Variants in RALGAPB observed in about 807,000 individuals in gnomAD.
RALGAPB encodes ral GTPase-activating protein subunit beta.
A neutral mutation model predicts 161.1 loss-of-function variants in RALGAPB; 25 were observed. The observed-to-expected ratio is 0.16, with a 90% confidence interval of 0.11 to 0.22. RALGAPB has a LOEUF of 0.22. RALGAPB is among the 10% of genes least tolerant of loss of function. The probability of loss-of-function intolerance (pLI) is 1.00; values close to 1 mark genes in which losing one functional copy is unlikely to be tolerated. For synonymous variants in RALGAPB, 629 were observed against 626.1 expected, an observed-to-expected ratio of 1.00 and a Z score of -0.07; for missense variants, 1,391 against 1,815.2, an observed-to-expected ratio of 0.77 and a Z score of 4.25.
intron 10 of RALGAPB, among the ~76,000 whole-genome samples, 180 bp from the exon 11 acceptor site, chr20:38,524,598 C>T (rs900110222): frequency 6.6e-6 from 1 of 151,980 alleles, no homozygotes; most frequent in African/African-American, 2.4e-5. Flanking sequence ...CCAGTAATTC[C>T]AGTAATAACT....
At chr20:38,523,804 G>C (rs1396783585) in intron 10 of RALGAPB, among the ~76,000 whole-genome samples, 2 of 152,202 alleles carry the variant, frequency 1.3e-5, no homozygotes, top group Admixed American at 6.5e-5. Flanking sequence ...GGCAGGTAGA[G>C]TAAGAGGACC....
intron 4 of RALGAPB, 64 bp downstream of exon 4, chr20:38,497,580 A>G: frequency 6.7e-7 from 1 of 1,500,100 alleles, no homozygotes; most frequent in East Asian, 2.3e-5. Context: ...CTTTAAACTC[A>G]GTGAGCGGTA....
intron 6 of RALGAPB, among the ~76,000 whole-genome samples, chr20:38,511,639 G>A (rs921979022): frequency 1.3e-5 from 2 of 152,186 alleles, no homozygotes; most frequent in Admixed American, 6.5e-5. Context: ...TAGAGAGCAC[G>A]GGGTTGGGGG....
At chr20:38,559,756 A>G (rs1343431342) in intron 23 of RALGAPB, among the ~76,000 whole-genome samples, 1 of 152,212 alleles carries the variant, frequency 6.6e-6, no homozygotes, top group Non-Finnish European at 1.5e-5. Context: ...CAAAGAGACT[A>G]AGAGAAGGAC....
chr20:38,532,588 C>T (rs879913130), intron 14 of RALGAPB, 142 bp from the exon 15 acceptor site: 14 of 994,204 alleles, frequency 1.4e-5, no homozygotes, highest in Middle Eastern at 2.7e-4. Flanking sequence ...TGGTTTTAAT[C>T]CCTTGTCAAT....
intron 16 of RALGAPB, 106 bp downstream of exon 16, chr20:38,535,313 A>G: frequency 7.6e-7 from 1 of 1,323,856 alleles, no homozygotes; most frequent in East Asian, 2.3e-5. Context: ...GATCATGCTC[A>G]AACATAGTTT....
Position 38,577,202 on chromosome 20 carries a change from C to G in RALGAPB, c.*2235C>G, listed in dbSNP as rs1301247594. On this transcript the variant is annotated 3_prime_UTR_variant, in exon 30 of 30. Coordinates refer to ENST00000262879, the MANE Select transcript of RALGAPB (RefSeq NM_020336.4). ...TCCTTCTGCTCACAATAACATCTGC[C>G]CAAAGAGGGAGTGGGAAGAACGCTT... The G allele has an allele frequency of 1.1e-4, 17 of 152,130 alleles. No individual in the cohort carries two copies. Among genetic ancestry groups the G allele is most frequent in the Non-Finnish European group, 1.5e-5 (1 of 68,032 alleles). 9.4% of individuals were successfully genotyped at this position (152,130 alleles called of 1,614,324 possible).
rs2088519032 is a variant in RALGAPB at position 38,578,572 on chromosome 20, T to A, written c.*3605T>A. ...AAAATAAGCAGTATCATTATTTGCT[T>A]GAAATCATATATACAGTTTGTATGA... is the stretch of plus-strand genomic sequence containing the variant. On this transcript the variant is annotated 3_prime_UTR_variant, in exon 30 of 30. Coordinates refer to ENST00000262879, the MANE Select transcript of RALGAPB (RefSeq NM_020336.4). 6.6e-6 allele frequency: 1 copy of A among 152,670 alleles called. No homozygotes were observed. The highest frequency in any genetic ancestry group is 2.4e-5 in the African/African-American group (1 of 41,458). The allele number at this position is 152,670 out of a possible 1,614,324, so 9.5% of individuals were successfully genotyped here. A position where few individuals can be genotyped will look rare whatever the true frequency, so the allele number is the denominator to read the frequency against.
chr20:38,559,911 G>T lies in RALGAPB; in HGVS notation c.3531+1458G>T, dbSNP rs116352059. Among the ~76,000 whole-genome samples, 1,072 of 152,272 alleles carry T rather than the reference G, an allele frequency of 7.0e-3. 18 individuals carry two copies. The highest frequency in any genetic ancestry group is 0.023 in the African/African-American group (970 of 41,552). ...CTAGGAAAGAGCCGAAGGAAGACTT[G>T]TAAAATGTCGTATTCAGATGTGTAG... On this transcript the variant is annotated intron_variant, in intron 23 of 29. Coordinates refer to ENST00000262879, the MANE Select transcript of RALGAPB (RefSeq NM_020336.4).
At chr20:38,558,699 A>C (rs972293429) in intron 23 of RALGAPB, among the ~76,000 whole-genome samples, 1 of 152,184 alleles carries the variant, frequency 6.6e-6, no homozygotes, top group African/African-American at 2.4e-5. Context: ...ATTGGTTTAC[A>C]GAAATAACAT....
rs142866950 is a variant in RALGAPB at position 38,501,488 on chromosome 20, C to T, written c.740+1855C>T. Among the ~76,000 whole-genome samples, 923 of 152,270 alleles carry T rather than the reference C, an allele frequency of 6.1e-3. 12 individuals are homozygous for T. Among genetic ancestry groups the T allele is most frequent in the African/African-American group, 0.021 (888 of 41,568 alleles). ...TGTGGTGGCTTGCGCCTGTAGAACACACCTCCCAGGTTCAAGTGATTCTTG... is the reference window on the plus strand; with the variant it reads ...TGTGGTGGCTTGCGCCTGTAGAACATACCTCCCAGGTTCAAGTGATTCTTG... On this transcript the variant is annotated intron_variant, in intron 5 of 29. Transcript: ENST00000262879.
rs2088416295 is a variant in RALGAPB, at chr20:38,575,856, A to G, written c.*889A>G. On this transcript the variant is annotated 3_prime_UTR_variant, in exon 30 of 30. Transcript: ENST00000262879. ...GGTTGAAAATTATTTGGTTTCATCC[A>G]TTGTCTCTTATTTCAGGACCAAGCA... 1 of 152,620 alleles carries G rather than the reference A, an allele frequency of 6.6e-6. No individual in the cohort carries two copies. The highest frequency in any genetic ancestry group is 1.5e-5 in the Non-Finnish European group (1 of 68,048). 9.5% of individuals were successfully genotyped at this position (152,620 alleles called of 1,614,324 possible). A position where few individuals can be genotyped will look rare whatever the true frequency, so the allele number is the denominator to read the frequency against.
At chr20:38,498,761 T>G (rs2085499669) in intron 4 of RALGAPB, among the ~76,000 whole-genome samples, 2 of 152,238 alleles carry the variant, frequency 1.3e-5, no homozygotes, top group South Asian at 4.1e-4. Context: ...GTTCCAGGGC[T>G]TAGAACAGGG....
chr20:38,513,454 G>T (rs761723709), intron 6 of RALGAPB, among the ~76,000 whole-genome samples: 3 of 149,868 alleles, frequency 2.0e-5, no homozygotes, highest in Non-Finnish European at 4.5e-5. Flanking sequence ...ACTCCAGCCC[G>T]GGCGACAGAG....
intron 13 of RALGAPB, among the ~76,000 whole-genome samples, chr20:38,528,508 C>T (rs1158798249): frequency 6.6e-6 from 1 of 151,972 alleles, no homozygotes; most frequent in Non-Finnish European, 1.5e-5. Context: ...GTAGCTGGGA[C>T]CACAGGCGTG....
At position 38,569,954 on chromosome 20, in the gene RALGAPB, A is replaced by T; in HGVS notation, c.4021A>T (p.Thr1341Ser). 6.2e-7 allele frequency: 1 copy of T among 1,613,684 alleles called. No individual in the cohort carries two copies. The highest frequency in any genetic ancestry group is 8.5e-7 in the Non-Finnish European group (1 of 1,179,746). ...CCCTGTTCCTCCCCTTGGACCTGAG[A>T]CAAGAGTTTCTGTAGTCTGGGTGGA... ...GRPVPPLGPETRVSVVWVERY... is the reference protein window; with the variant it reads ...GRPVPPLGPESRVSVVWVERY... Residue 1341 changes from threonine to serine, a missense_variant, in exon 27 of 30, where the codon ACA becomes TCA. Thr to Ser is a moderately conservative substitution (Grantham distance 58). Transcript: ENST00000262879.
In RALGAPB at chr20:38,525,944, A is replaced by G. The variant is rs1387693665; in HGVS notation, c.1952A>G (p.Lys651Arg). 1 of 1,613,882 alleles carries G rather than the reference A, an allele frequency of 6.2e-7. No homozygotes were observed. The highest frequency in any genetic ancestry group is 1.3e-5 in the African/African-American group (1 of 75,036). The change falls in exon 13 of 30, where the codon AAA becomes AGA. Residue 651 changes from lysine (K) to arginine (R), a missense_variant. By Grantham distance (26) the Lys-to-Arg change is conservative. Transcript: ENST00000262879. ...AACGATGACAGCTCTTCTTATGATAAACCAATAACTTTTCTGTCCCTGAAG... is the reference window on the plus strand; with the variant it reads ...AACGATGACAGCTCTTCTTATGATAGACCAATAACTTTTCTGTCCCTGAAG... ...FSNDDSSSYDKPITFLSLKLR... is the reference protein window; with the variant it reads ...FSNDDSSSYDRPITFLSLKLR...
rs2088467707 is a variant in RALGAPB at position 38,577,135 on chromosome 20, G to A, written c.*2168G>A. On this transcript the variant is annotated 3_prime_UTR_variant, in exon 30 of 30. Coordinates refer to ENST00000262879, the MANE Select transcript of RALGAPB (RefSeq NM_020336.4). The stretch of plus-strand genomic sequence containing the variant: ...GCATGAAACTCCCAGTGTGTACGGA[G>A]CCAGTGGAATATGGGATACCCATAC... 6.6e-6 allele frequency: 1 copy of A among 152,190 alleles called. No homozygotes were observed. The allele number at this position is 152,190 out of a possible 1,614,324, so 9.4% of individuals were successfully genotyped here.
In RALGAPB at chr20:38,569,629, A is replaced by C. The variant is rs73905645; in HGVS notation, c.3955-259A>C. On this transcript the variant is annotated intron_variant, in intron 26 of 29. Transcript: ENST00000262879. ...ACTGTGTGTAAATTTTGTTTTTATT[A>C]ATGCAAATTATAATTATTCAGTATT... 5.2e-3 allele frequency: 2,037 copies of C among 388,848 alleles called. 32 individuals are homozygous for C. Among genetic ancestry groups the C allele is most frequent in the African/African-American group, 0.037 (1,869 of 50,140 alleles). 24.1% of individuals were successfully genotyped at this position (388,848 alleles called of 1,614,324 possible).
Sources: gnomAD v4.1 joint callset for allele counts (sites outside exome capture counted in the v4.1 genomes callset) on GRCh38, gnomAD v4.1.1 for gene constraint, MANE v1.5 for transcripts, NCBI Gene and HGNC (gene_info 2026-07-23, HGNC 2026-07-21) for gene names.